Variants in ASIC2 observed in about 807,000 individuals in gnomAD.
The protein encoded by ASIC2 is acid sensing ion channel subunit 2.
ASIC2 carries 25 observed loss-of-function variants against 57.3 expected under a neutral mutation model. That is an observed-to-expected ratio of 0.44 (90% CI 0.32 to 0.61). ASIC2 has a LOEUF of 0.61. Ranked by LOEUF, ASIC2 falls within the 20% of genes least tolerant of loss-of-function variation. ASIC2 has a pLI of 0.06. For missense variants in ASIC2, 641 were observed against 738.1 expected (o/e 0.87, Z 1.52); for synonymous variants, 319 against 307.5 (o/e 1.04, Z -0.39).
chr17:33,899,342 G>A (rs1170294727), intron 1 of ASIC2, among the ~76,000 whole-genome samples: 4 of 152,228 alleles, frequency 2.6e-5, no homozygotes, highest in African/African-American at 9.6e-5. Context: ...AGCCTCAGGA[G>A]GATGTGAGTA....
At chr17:33,562,030 A>C (rs1916088788) in intron 1 of ASIC2, among the ~76,000 whole-genome samples, 1 of 152,136 alleles carries the variant, frequency 6.6e-6, no homozygotes, top group African/African-American at 2.4e-5. Context: ...AGCTGTTCCA[A>C]TCCGGAGTGA....
At chr17:33,714,073 T>TA in intron 1 of ASIC2, among the ~76,000 whole-genome samples, 1 of 152,184 alleles carries the variant, frequency 6.6e-6, no homozygotes, top group East Asian at 1.9e-4. Context: ...TCAAAGTAAA[T>TA]AAAAATTTCT....
intron 1 of ASIC2, among the ~76,000 whole-genome samples, chr17:33,640,910 A>G (rs887460143): frequency 2.0e-5 from 3 of 152,180 alleles, no homozygotes; most frequent in Non-Finnish European, 4.4e-5. Context: ...GGCATGTTTC[A>G]TGGGGGCTGG....
At chr17:33,336,610 T>A (rs1907523528) in intron 1 of ASIC2, among the ~76,000 whole-genome samples, 1 of 152,140 alleles carries the variant, frequency 6.6e-6, no homozygotes. Context: ...TATCGTTTAG[T>A]CCCATTCCAC....
At chr17:33,049,999 C>T (rs960877769) in intron 3 of ASIC2, among the ~76,000 whole-genome samples, 1 of 152,042 alleles carries the variant, frequency 6.6e-6, no homozygotes, top group African/African-American at 2.4e-5. Context: ...CCTAGTGGTC[C>T]CAAGGATCAG....
At chr17:33,274,355 C>T (rs1048662832) in intron 1 of ASIC2, among the ~76,000 whole-genome samples, 4 of 152,116 alleles carry the variant, frequency 2.6e-5, no homozygotes, top group Non-Finnish European at 4.4e-5. Context: ...ACTGACTTGC[C>T]CATATCACAG....
intron 1 of ASIC2, among the ~76,000 whole-genome samples, chr17:33,410,937 G>A (rs543973832): frequency 7.0e-6 from 1 of 143,370 alleles, no homozygotes; most frequent in Admixed American, 6.9e-5. Context: ...CTGGCACATA[G>A]AAGACAGCAT....
intron 1 of ASIC2, among the ~76,000 whole-genome samples, chr17:34,021,839 T>TC (rs1244835374): frequency 2.4e-4 from 31 of 128,510 alleles, no homozygotes; most frequent in African/African-American, 1.2e-3. Context: ...TTTGTTTTGT[T>TC]TTTTTTTTTT....
At chr17:33,433,755 A>AAAAAC (rs1207041450) in intron 1 of ASIC2, among the ~76,000 whole-genome samples, 2 of 151,654 alleles carry the variant, frequency 1.3e-5, no homozygotes, top group Non-Finnish European at 2.9e-5. Context: ...GTTTGTTTCA[A>AAAAAC]AAAACAAAAC....
chr17:33,294,224 C>T (rs1311303495), upstream of ASIC2, among the ~76,000 whole-genome samples: 2 of 152,132 alleles, frequency 1.3e-5, no homozygotes, highest in East Asian at 3.8e-4. Flanking sequence ...GTTTTCCAGA[C>T]ATTATCCGGA....
intron 1 of ASIC2, among the ~76,000 whole-genome samples, chr17:33,576,596 A>G (rs1280740476): frequency 6.6e-6 from 1 of 152,224 alleles, no homozygotes; most frequent in Admixed American, 6.5e-5. Context: ...CCTCCAATGG[A>G]AAGTGGGAAT....
intron 1 of ASIC2, among the ~76,000 whole-genome samples, chr17:33,759,950 A>G (rs1201720907): frequency 6.6e-6 from 1 of 152,172 alleles, no homozygotes; most frequent in Non-Finnish European, 1.5e-5. Context: ...TAGTGGAGCC[A>G]TGGGAACACA....
intron 1 of ASIC2, among the ~76,000 whole-genome samples, chr17:33,736,860 CAA>C (rs1909927937): frequency 6.6e-6 from 1 of 152,182 alleles, no homozygotes; most frequent in South Asian, 2.1e-4. Context: ...CTTTTATTCA[CAA>C]AGACATATAT....
intron 1 of ASIC2, among the ~76,000 whole-genome samples, chr17:33,540,175 C>G (rs1007191267): frequency 6.6e-6 from 1 of 152,178 alleles, no homozygotes; most frequent in African/African-American, 2.4e-5. Flanking sequence ...CTTTTGGTAG[C>G]TCCAGGTGTT....
At chr17:33,090,598 AG>A (rs1212734331) in intron 2 of ASIC2, among the ~76,000 whole-genome samples, 2 of 151,590 alleles carry the variant, frequency 1.3e-5, no homozygotes, top group East Asian at 1.9e-4. Context: ...GTTGGGGGTC[AG>A]GGATGGAGAG....
chr17:33,155,230 C>T (rs1904952053), intron 1 of ASIC2, among the ~76,000 whole-genome samples: 1 of 152,394 alleles, frequency 6.6e-6, no homozygotes, highest in South Asian at 2.1e-4. Flanking sequence ...TGGCTGACCA[C>T]GGCTGTTCCT....
intron 1 of ASIC2, among the ~76,000 whole-genome samples, chr17:33,185,870 G>A (rs530365413): frequency 6.6e-6 from 1 of 152,178 alleles, no homozygotes; most frequent in Admixed American, 6.5e-5. Context: ...CGGGTAGAGT[G>A]CTCAGAGGGT....
rs372607769 is a variant in ASIC2 at position 34,094,331 on chromosome 17, C to G, written c.555+61647G>C. Among the ~76,000 whole-genome samples, 5 of 152,326 alleles carry G rather than the reference C, an allele frequency of 3.3e-5. No individual in the cohort carries two copies. In the East Asian group the frequency reaches 5.8e-4, roughly 18 times the overall value. ...ACTATGTGTCCACTACAGCCCATGA[C>G]TACATGCCTCATATGGCAATTTCTA... On this transcript the variant is annotated intron_variant, in intron 1 of 9. Coordinates refer to the ASIC2 transcript ENST00000359872.
At chr17:33,459,267 G>C (rs12946253) in intron 1 of ASIC2, among the ~76,000 whole-genome samples, 1,707 of 152,128 alleles carry the variant, frequency 0.011, 30 homozygotes, top group African/African-American at 0.038. Flanking sequence ...TGCTCTTGCT[G>C]AGTATCTGGC....
Sources: gnomAD v4.1 joint callset for allele counts (sites outside exome capture counted in the v4.1 genomes callset) on GRCh38, gnomAD v4.1.1 for gene constraint, MANE v1.5 for transcripts, NCBI Gene and HGNC (gene_info 2026-07-23, HGNC 2026-07-21) for gene names.